FAM168A: variants seen among roughly 807,000 people sequenced by gnomAD.
The protein encoded by FAM168A is protein FAM168A.
A neutral mutation model predicts 28.5 loss-of-function variants in FAM168A; 3 were observed. The observed-to-expected ratio is 0.11, with a 90% CI of 0.05 to 0.27. The LOEUF is 0.27. Among genes scored for constraint, FAM168A ranks in the 10% least tolerant of loss-of-function variants. The pLI, the probability that FAM168A is intolerant of heterozygous loss-of-function variation, is 1.00. For missense variants in FAM168A, 222 were observed against 311.5 expected (o/e 0.71, Z 2.16); for synonymous variants, 122 against 124.2 (o/e 0.98, Z 0.12).
intron 1 of FAM168A, among the ~76,000 whole-genome samples, chr11:73,520,337 C>T (rs1366372409): frequency 6.6e-6 from 1 of 151,950 alleles, no homozygotes; most frequent in East Asian, 1.9e-4. Context: ...CGTGAGCCAC[C>T]GCGCCTGGCC....
rs190559870 is a variant in FAM168A, at chr11:73,405,509, G to A, written c.*1254C>T. On this transcript the variant is annotated 3_prime_UTR_variant, in exon 8 of 8. Coordinates refer to ENST00000356467, the MANE Select transcript of FAM168A (RefSeq NM_015159.3). ...AATGCTAATTTACTGTAAGGTCTAG[G>A]GAAGTCCTTTCCGCTTCTCTGGGCC... 9 of 152,356 alleles carry A rather than the reference G, an allele frequency of 5.9e-5. No homozygotes were observed. In the South Asian group the frequency reaches 1.2e-3, roughly 21 times the overall value. The allele number at this position is 152,356 out of a possible 1,614,324, so 9.4% of individuals were successfully genotyped here.
intron 2 of FAM168A, among the ~76,000 whole-genome samples, chr11:73,432,439 TTTA>T (rs60205385): frequency 0.013 from 1,990 of 151,274 alleles, 49 homozygotes; most frequent in African/African-American, 0.045. Flanking sequence ...CAACCCTTGT[TTTA>T]TTATTATTAT....
intron 1 of FAM168A, among the ~76,000 whole-genome samples, chr11:73,587,152 T>TAAA (rs1158411875): frequency 0.026 from 2,089 of 81,298 alleles, 181 homozygotes; most frequent in African/African-American, 0.09. Context: ...ATGGACATGT[T>TAAA]AAAAAAAAAA....
At chr11:73,421,226 C>T (rs1866787838) in intron 3 of FAM168A, among the ~76,000 whole-genome samples, 1 of 152,132 alleles carries the variant, frequency 6.6e-6, no homozygotes, top group Non-Finnish European at 1.5e-5. Flanking sequence ...AGGACAAGGA[C>T]ATTCTACCTC....
At chr11:73,549,161 C>T (rs1210426222) in intron 1 of FAM168A, among the ~76,000 whole-genome samples, 1 of 151,998 alleles carries the variant, frequency 6.6e-6, no homozygotes, top group Non-Finnish European at 1.5e-5. Context: ...AAAGTGGTCT[C>T]GAACTCCTGA....
chr11:73,552,852 G>A (rs572093405), intron 1 of FAM168A, among the ~76,000 whole-genome samples: 9 of 152,226 alleles, frequency 5.9e-5, no homozygotes, highest in Non-Finnish European at 1.0e-4. Context: ...AGCTACTCGG[G>A]AGACTGAGGC....
intron 1 of FAM168A, among the ~76,000 whole-genome samples, chr11:73,593,230 GCTTTAAAGGTACTAGAAATCTCCTT>G (rs1944401971): frequency 6.6e-6 from 1 of 152,134 alleles, no homozygotes; most frequent in Non-Finnish European, 1.5e-5. Context: ...CTCACAAGAG[GCTTTAAAGGTACTAGAAATCTCCTT>G]TTTGTTAAGC....
At chr11:73,477,197 G>T (rs1450916084) in intron 1 of FAM168A, among the ~76,000 whole-genome samples, 3 of 151,880 alleles carry the variant, frequency 2.0e-5, no homozygotes, top group Admixed American at 2.0e-4. Context: ...GAGAACAATA[G>T]ACACTAGGAC....
intron 1 of FAM168A, among the ~76,000 whole-genome samples, chr11:73,560,449 A>G (rs1943944901): frequency 6.6e-6 from 1 of 152,240 alleles, no homozygotes; most frequent in Non-Finnish European, 1.5e-5. Flanking sequence ...AAAAATACTG[A>G]GAAAAGTTTT....
At chr11:73,583,385 T>C (rs1295594429) in intron 1 of FAM168A, among the ~76,000 whole-genome samples, 3 of 152,152 alleles carry the variant, frequency 2.0e-5, no homozygotes, top group African/African-American at 4.8e-5. Flanking sequence ...CAGCTGTTAA[T>C]AGGCCAGTTT....
Position 73,517,770 on chromosome 11 carries a change from T to A in FAM168A, c.-18-49278A>T, listed in dbSNP as rs1429322809. Among the ~76,000 whole-genome samples, 5 of 152,244 alleles carry A rather than the reference T, an allele frequency of 3.3e-5. No homozygotes were observed. The East Asian group carries it at 9.6e-4, about 29-fold the overall frequency. ...ACCCAATATGACCTTCAGTGTTTTT[T>A]AACACGAAGGCAGATACTGTAGCTT... On this transcript the variant is annotated intron_variant, in intron 1 of 7. Transcript: ENST00000356467.
intron 1 of FAM168A, among the ~76,000 whole-genome samples, chr11:73,537,098 G>C (rs1275727124): frequency 6.6e-6 from 1 of 152,102 alleles, no homozygotes; most frequent in Non-Finnish European, 1.5e-5. Flanking sequence ...AAGAGTAGAA[G>C]TTTGTCAGGC....
chr11:73,477,921 GTAGATAGATAGATAGATAGATAGATAGA>G (rs35031500), intron 1 of FAM168A, among the ~76,000 whole-genome samples: 3 of 147,312 alleles, frequency 2.0e-5, no homozygotes, highest in African/African-American at 5.2e-5. Context: ...AAGCTGATAT[GTAGATAGATAGATAGATAGATAGATAGA>G]TAGATAGATA....
chr11:73,552,480 G>A (rs1943840800), intron 1 of FAM168A, among the ~76,000 whole-genome samples: 1 of 152,166 alleles, frequency 6.6e-6, no homozygotes, highest in Admixed American at 6.6e-5. Flanking sequence ...AACAGTGCCT[G>A]GCACATAGTA....
chr11:73,510,196 T>C (rs1855192914), intron 1 of FAM168A, among the ~76,000 whole-genome samples: 1 of 152,104 alleles, frequency 6.6e-6, no homozygotes, highest in Non-Finnish European at 1.5e-5. Context: ...AGATCCTCCA[T>C]CCAAGCCTAC....
At chr11:73,510,260 C>T (rs1855194653) in intron 1 of FAM168A, among the ~76,000 whole-genome samples, 1 of 152,068 alleles carries the variant, frequency 6.6e-6, no homozygotes, top group South Asian at 2.1e-4. Context: ...TGATAATAAC[C>T]ACTAATTTAA....
chr11:73,558,834 C>G (rs1943920323), intron 1 of FAM168A, among the ~76,000 whole-genome samples: 1 of 152,104 alleles, frequency 6.6e-6, no homozygotes, highest in Non-Finnish European at 1.5e-5. Flanking sequence ...TATGAACCCT[C>G]AAACATTGTT....
At chr11:73,417,411 G>A (rs767452848) in intron 4 of FAM168A, among the ~76,000 whole-genome samples, 6 of 152,110 alleles carry the variant, frequency 3.9e-5, no homozygotes, top group African/African-American at 7.2e-5. Flanking sequence ...ACTACAGTAG[G>A]TGTGCCTATA....
At chr11:73,532,914 G>A (rs1417055509) in intron 1 of FAM168A, among the ~76,000 whole-genome samples, 1 of 152,190 alleles carries the variant, frequency 6.6e-6, no homozygotes, top group Non-Finnish European at 1.5e-5. Context: ...TCAATTTTCA[G>A]CTGGGAAAGA....
Sources: gnomAD v4.1 joint callset for allele counts (sites outside exome capture counted in the v4.1 genomes callset) on GRCh38, gnomAD v4.1.1 for gene constraint, MANE v1.5 for transcripts, NCBI Gene and HGNC (gene_info 2026-07-23, HGNC 2026-07-21) for gene names.